Variants in MED12L observed in about 807,000 individuals in gnomAD.
The protein encoded by MED12L is mediator of RNA polymerase II transcription subunit 12-like protein.
In MED12L, 60 loss-of-function variants were observed where a neutral mutation model predicts 281.3. The observed-to-expected ratio is 0.21, with a 90% CI of 0.17 to 0.26. MED12L has a LOEUF of 0.26. Among genes scored for constraint, MED12L ranks in the 10% least tolerant of loss-of-function variants. MED12L has a pLI of 1.00. For missense variants in MED12L, 2,146 were observed against 2,680.9 expected (o/e 0.80, Z 4.41); for synonymous variants, 974 against 987.2 (o/e 0.99, Z 0.25).
chr3:151,257,545 C>T (rs959725667), intron 16 of MED12L, among the ~76,000 whole-genome samples: 1 of 152,204 alleles, frequency 6.6e-6, no homozygotes, highest in East Asian at 1.9e-4. Context: ...ATATCTACTT[C>T]AGAATACTGT....
chr3:151,328,442 C>T (rs757639633), intron 16 of MED12L: 26 of 1,613,534 alleles, frequency 1.6e-5, no homozygotes, highest in Non-Finnish European at 2.1e-5. Context: ...CATTTGATGC[C>T]ATTTCAGCCC....
intron 38 of MED12L, among the ~76,000 whole-genome samples, chr3:151,392,990 T>C (rs1714482644): frequency 6.6e-6 from 1 of 152,256 alleles, no homozygotes; most frequent in Admixed American, 6.5e-5. Context: ...TATGTTCTGA[T>C]TGTTGCTTCA....
chr3:151,249,172 A>C (rs1316208549), intron 16 of MED12L: 1 of 152,204 alleles, frequency 6.6e-6, no homozygotes, highest in African/African-American at 2.4e-5. Flanking sequence ...CGGCTTGACC[A>C]AATAGTAAAT....
Position 151,401,559 on chromosome 3 carries a change from C to T in MED12L, c.5820+6692C>T, listed in dbSNP as rs116735046. Reference sequence around the variant, plus strand: ...TGTCCTGATTACCTGTGAGTTTAACCATTTTTTATAACTTTGCTAGCTATT... The same window carrying T: ...TGTCCTGATTACCTGTGAGTTTAACTATTTTTTATAACTTTGCTAGCTATT... On this transcript the variant is annotated intron_variant, in intron 39 of 44. Coordinates refer to ENST00000687756, the MANE Select transcript of MED12L (RefSeq NM_001393769.1). Among the ~76,000 whole-genome samples the T allele has an allele frequency of 5.3e-3, 812 of 152,158 alleles. 6 individuals carry two copies. Among genetic ancestry groups the T allele is most frequent in the African/African-American group, 0.018 (741 of 41,544 alleles).
At chr3:151,292,770 C>G (rs1215159718) in intron 16 of MED12L, among the ~76,000 whole-genome samples, 1 of 152,198 alleles carries the variant, frequency 6.6e-6, no homozygotes. Context: ...CGGGGTTTCT[C>G]CATGTTGGTC....
intron 8 of MED12L, among the ~76,000 whole-genome samples, chr3:151,163,038 A>G (rs927958577): frequency 2.6e-5 from 4 of 152,184 alleles, no homozygotes; most frequent in South Asian, 2.1e-4. Flanking sequence ...TGTTTAATCT[A>G]TGTTTAGGAG....
intron 5 of MED12L, among the ~76,000 whole-genome samples, chr3:151,136,831 C>T (rs1441199423): frequency 6.6e-6 from 1 of 152,112 alleles, no homozygotes; most frequent in Non-Finnish European, 1.5e-5. Context: ...TGTTGCATCT[C>T]CACAGTGGTG....
rs766735463 is a variant in MED12L, at chr3:151,213,740, C to A, written c.2250+20074C>A. ...AAAAGAAACACAATCCAGAAGATGG[C>A]CACGAAGATGTAGTTTGATGCTTTG... On this transcript the variant is annotated intron_variant, in intron 16 of 44. Coordinates refer to ENST00000687756, the MANE Select transcript of MED12L (RefSeq NM_001393769.1). 1 of 1,614,080 alleles carries A rather than the reference C, an allele frequency of 6.2e-7. No individual in the cohort carries two copies. The highest frequency in any genetic ancestry group is 2.2e-5 in the East Asian group (1 of 44,884).
intron 6 of MED12L, among the ~76,000 whole-genome samples, chr3:151,158,065 G>C (rs946660665): frequency 1.2e-4 from 18 of 152,126 alleles, no homozygotes; most frequent in African/African-American, 4.3e-4. Flanking sequence ...GTCTCTATAG[G>C]GTCTGTGTCA....
chr3:151,156,573 G>C (rs182607788), intron 6 of MED12L, among the ~76,000 whole-genome samples: 20 of 152,250 alleles, frequency 1.3e-4, no homozygotes, highest in Admixed American at 9.8e-4. Flanking sequence ...CTATTAATTA[G>C]TTCGTAATTG....
rs1277737630 is a variant in MED12L, at chr3:151,416,384, A to C, written c.6370A>C (p.Thr2124Pro). The change falls in exon 43 of 45, where the codon ACC (threonine) becomes CCC (proline). Residue 2124 changes from threonine to proline, a missense_variant. Thr to Pro is a conservative substitution (Grantham distance 38). This residue lies in a region of MED12L where 496 missense variants were observed against 512.0 expected (regional missense o/e 0.97). Coordinates refer to ENST00000687756, the MANE Select transcript of MED12L (RefSeq NM_001393769.1). The stretch of plus-strand genomic sequence containing the variant: ...GCAGTCCTCGCAGTCCCAGAGTCAG[A>C]CCCTTGGTCTCCAAGCAATGCAGCC... ...PQQSSQSQSQ[T>P]LGLQAMQPQQ... 4 of 1,612,582 alleles carry C rather than the reference A, an allele frequency of 2.5e-6. No individual in the cohort carries two copies. The highest frequency in any genetic ancestry group is 1.6e-4 in the Middle Eastern group (1 of 6,076).
At chr3:151,198,832 T>C (rs1372889455) in intron 16 of MED12L, 1 of 1,613,346 alleles carries the variant, frequency 6.2e-7, no homozygotes, top group South Asian at 1.1e-5. Context: ...AAAATATTGC[T>C]ACACATATGA....
At chr3:151,253,156 T>C (rs999389822) in intron 16 of MED12L, among the ~76,000 whole-genome samples, 16 of 152,216 alleles carry the variant, frequency 1.1e-4, no homozygotes, top group African/African-American at 3.9e-4. Context: ...TCTGGGGTCA[T>C]GACAGGCACC....
chr3:151,257,307 A>G (rs1737999004), intron 16 of MED12L, among the ~76,000 whole-genome samples: 1 of 152,182 alleles, frequency 6.6e-6, no homozygotes, highest in Non-Finnish European at 1.5e-5. Flanking sequence ...CTGCGTATTA[A>G]TCTCTTAGAC....
rs1195189658 is a variant in MED12L at position 151,190,829 on chromosome 3, A to C, written c.1866A>C (p.Ile622=). The stretch of plus-strand genomic sequence containing the variant: ...ATGACGCATACATGTGTACCCTCAT[A>C]TCTCGAGGAGATTTGTCAGTCACTG... ...FSHDAYMCTL[I]SRGDLSVTAS... The change falls in exon 14 of 45, where the codon ATA becomes ATC. Residue 622 remains isoleucine, a synonymous_variant. Coordinates refer to ENST00000687756, the MANE Select transcript of MED12L (RefSeq NM_001393769.1). 5 of 1,614,168 alleles carry C rather than the reference A, an allele frequency of 3.1e-6. No individual in the cohort carries two copies. The highest frequency in any genetic ancestry group is 3.4e-6 in the Non-Finnish European group (4 of 1,180,028).
At position 151,385,091 on chromosome 3, in the gene MED12L, C is replaced by A. The variant is rs558398849; in HGVS notation, c.4988C>A (p.Pro1663Gln). ...AAAGTTCGACAGTTACTACCTTTGC[C>A]GAAACAGACATGTGATGTCATCACT... ...IDKVRQLLPL[P>Q]KQTCDVITCE... The change falls in exon 36 of 45, where the codon CCG (proline) becomes CAG (glutamine). Residue 1663 changes from proline (P) to glutamine (Q), a missense_variant. Pro to Gln is a moderately conservative substitution (Grantham distance 76, BLOSUM62 -1). This residue lies in a region of MED12L where 212 missense variants were observed against 340.8 expected (regional missense o/e 0.62). Coordinates refer to ENST00000687756, the MANE Select transcript of MED12L (RefSeq NM_001393769.1). 3.7e-6 allele frequency: 6 copies of A among 1,611,932 alleles called. No individual in the cohort carries two copies. The highest frequency in any genetic ancestry group is 1.7e-5 in the Admixed American group (1 of 59,688).
rs201068942 is a variant in MED12L at position 151,165,901 on chromosome 3, T to C, written c.1413T>C (p.Phe471=). 3.2e-5 allele frequency: 52 copies of C among 1,614,132 alleles called. No homozygotes were observed. Among genetic ancestry groups the C allele is most frequent in the Admixed American group, 2.0e-4 (12 of 60,028 alleles). ...TGGAAGTTTTGGATCGTCACTGTTT[T>C]GACCGAACTGATTCCAGCAATTCCA... ...HTLEVLDRHC[F]DRTDSSNSME... is the part of the protein sequence containing the mutation. Residue 471 remains phenylalanine (F), a synonymous_variant, in exon 11 of 45, where the codon TTT becomes TTC. Transcript: ENST00000687756.
chr3:151,198,931 AATC>A, intron 16 of MED12L: 1 of 1,614,026 alleles, frequency 6.2e-7, no homozygotes, highest in Non-Finnish European at 8.5e-7. Flanking sequence ...CTTTGATGGG[AATC>A]ATCATATTTG....
chr3:151,367,993 A>C (rs1755499677), intron 24 of MED12L, among the ~76,000 whole-genome samples, 157 bp from the exon 25 acceptor site: 2 of 152,186 alleles, frequency 1.3e-5, no homozygotes, highest in Non-Finnish European at 2.9e-5. Context: ...TTAAGGAAGC[A>C]CCAAGATTTC....
Sources: gnomAD v4.1 joint callset for allele counts (sites outside exome capture counted in the v4.1 genomes callset) on GRCh38, gnomAD v4.1.1 for gene constraint, gnomAD v4.1.1 regional missense constraint, MANE v1.5 for transcripts, NCBI Gene and HGNC (gene_info 2026-07-23, HGNC 2026-07-21) for gene names.